RNF112: variants seen among roughly 807,000 people sequenced by gnomAD.
RNF112 encodes the protein ring finger protein 112, also known as brain finger protein.
RNF112 carries 34 observed loss-of-function variants against 64.7 expected under a neutral mutation model. The observed-to-expected ratio is 0.53, with a 90% CI of 0.40 to 0.70. RNF112 has a LOEUF of 0.70. RNF112 is among the 30% of genes least tolerant of loss of function. The pLI is 0.00. For missense variants in RNF112, 734 were observed against 850.0 expected (o/e 0.86, Z 1.70); for synonymous variants, 345 against 344.5 (o/e 1.00, Z -0.02).
At position 19,413,241 on chromosome 17, in the gene RNF112, G is replaced by A; in HGVS notation, c.589-39G>A. 1 of 1,596,374 alleles carries A rather than the reference G, an allele frequency of 6.3e-7. No homozygotes were observed. Among genetic ancestry groups the A allele is most frequent in the Non-Finnish European group, 8.6e-7 (1 of 1,168,360 alleles). ...TGGTATTCCGGTCTGTGGGGACAAG[G>A]AACCGACCAACTGATGCTCTCCCTT... is the stretch of plus-strand genomic sequence containing the variant. On this transcript the variant is annotated intron_variant, in intron 4 of 13. Transcript: ENST00000461366. The surrounding 1 kb of genome is among the most constrained non-coding windows in gnomAD (Gnocchi z 5.9).
At position 19,411,426 on chromosome 17, in the gene RNF112, G is replaced by T; in HGVS notation, c.18G>T (p.Leu6Phe). 2 of 1,610,942 alleles carry T rather than the reference G, an allele frequency of 1.2e-6. No individual in the cohort carries two copies. Among genetic ancestry groups the T allele is most frequent in the Non-Finnish European group, 1.7e-6 (2 of 1,179,136 alleles). ...AGCCTCCCATGCCAAGGCCCGCCTT[G>T]TCAGTCACTTCCTTTTGTCATCGGC... MPRPA[L>F]SVTSFCHRLG... Residue 6 changes from leucine to phenylalanine, a missense_variant, in exon 1 of 14, where the codon TTG becomes TTT. Physicochemically the swap from Leu to Phe is conservative, Grantham distance 22. Transcript: ENST00000461366.
Position 19,416,418 on chromosome 17 carries a change from G to C in RNF112, c.*243G>C, listed in dbSNP as rs1199199035. ...CTGTTTCTGGTTGCAGATGGTTGCC[G>C]ATCTGCCCTTGTCACAGATAGGCTA... is the stretch of plus-strand genomic sequence containing the variant. On this transcript the variant is annotated 3_prime_UTR_variant, in exon 14 of 14. Transcript: ENST00000461366. 2.0e-6 allele frequency: 1 copy of C among 499,898 alleles called. No individual in the cohort carries two copies. The highest frequency in any genetic ancestry group is 3.4e-5 in the East Asian group (1 of 29,322). The allele number at this position is 499,898 out of a possible 1,614,324, so 31.0% of individuals were successfully genotyped here. A position where few individuals can be genotyped will look rare whatever the true frequency, so the allele number is the denominator to read the frequency against.
In RNF112 at chr17:19,414,808, G is replaced by A; in HGVS notation, c.1047G>A (p.Leu349=). The A allele has an allele frequency of 6.2e-7, 1 of 1,613,716 alleles. No homozygotes were observed. The highest frequency in any genetic ancestry group is 1.1e-5 in the South Asian group (1 of 91,084). The change falls in exon 10 of 14, where the codon CTG becomes CTA. Residue 349 remains leucine, a synonymous_variant. Transcript: ENST00000461366. The part of the protein sequence containing the change: ...SGRYPKVQEL[L]QGKRARCCLL... The stretch of plus-strand genomic sequence containing the variant: ...GATACCCCAAGGTGCAGGAGCTGCT[G>A]CAAGGGAAGCGAGCCCGTTGCTGCC...
In RNF112 at chr17:19,413,174, G is replaced by A. The variant is rs762892472; in HGVS notation, c.588+30G>A. ...GGGCGGGGCGGGGCAGGAGGGAGGC[G>A]GGGAGCAAGGATGGGGGTTCCTGCC... On this transcript the variant is annotated intron_variant, in intron 4 of 13. Coordinates refer to ENST00000461366, the MANE Select transcript of RNF112 (RefSeq NM_007148.5). The surrounding 1 kb of genome is among the most constrained non-coding windows in gnomAD (Gnocchi z 5.9). 30 of 1,589,530 alleles carry A rather than the reference G, an allele frequency of 1.9e-5. No individual in the cohort carries two copies. Among genetic ancestry groups the A allele is most frequent in the African/African-American group, 1.1e-4 (8 of 74,596 alleles).
At chr17:19,411,768 CGGGA>C in intron 2 of RNF112, 98 bp downstream of exon 2, 2 of 1,296,880 alleles carry the variant, frequency 1.5e-6, no homozygotes, top group Non-Finnish European at 2.2e-6. Flanking sequence ...GCAGCCCAGC[CGGGA>C]GGGCTGTCCG....
At position 19,416,289 on chromosome 17, in the gene RNF112, C is replaced by T. The variant is rs1233258854; in HGVS notation, c.*114C>T. 2.0e-6 allele frequency: 2 copies of T among 998,598 alleles called. No individual in the cohort carries two copies. The highest frequency in any genetic ancestry group is 2.8e-6 in the Non-Finnish European group (2 of 701,914). The allele number at this position is 998,598 out of a possible 1,614,324, so 61.9% of individuals were successfully genotyped here. A position where few individuals can be genotyped will look rare whatever the true frequency, so the allele number is the denominator to read the frequency against. On this transcript the variant is annotated 3_prime_UTR_variant, in exon 14 of 14. Transcript: ENST00000461366. ...CAAGGCACCGCCATGTACTGCACTG[C>T]CCTGGTCGAATGCTCGGTGTCTGGG...
Position 19,412,820 on chromosome 17 carries a change from G to A in RNF112, c.381+37G>A. On this transcript the variant is annotated intron_variant, in intron 3 of 13. Transcript: ENST00000461366. The surrounding 1 kb of genome is among the most constrained non-coding windows in gnomAD (Gnocchi z 5.1). The stretch of plus-strand genomic sequence containing the variant: ...GGGCCTAATCAGTCAGACCCAAGAG[G>A]AGGGGGTGGCTTTGGCCCTATTCTA... 3.1e-6 allele frequency: 5 copies of A among 1,596,548 alleles called. No individual in the cohort carries two copies. Among genetic ancestry groups the A allele is most frequent in the Non-Finnish European group, 4.3e-6 (5 of 1,175,184 alleles).
chr17:19,413,238 A>G lies in RNF112; in HGVS notation c.589-42A>G. ...GTCTGGTATTCCGGTCTGTGGGGAC[A>G]AGGAACCGACCAACTGATGCTCTCC... On this transcript the variant is annotated intron_variant, in intron 4 of 13. Transcript: ENST00000461366. The surrounding 1 kb of genome is among the most constrained non-coding windows in gnomAD (Gnocchi z 5.9). The G allele has an allele frequency of 6.3e-7, 1 of 1,596,614 alleles. No individual in the cohort carries two copies. The highest frequency in any genetic ancestry group is 8.6e-7 in the Non-Finnish European group (1 of 1,168,712).
Position 19,413,906 on chromosome 17 carries a change from A to G in RNF112, c.826-189A>G, listed in dbSNP as rs1913770624. On this transcript the variant is annotated intron_variant, in intron 6 of 13. Transcript: ENST00000461366. The surrounding 1 kb of genome is among the most constrained non-coding windows in gnomAD (Gnocchi z 5.9). ...GGCAGCTGAAGACCTGATGGATCAC[A>G]TTACCCTCCAGGCTTGTCTCCGGCC... is the stretch of plus-strand genomic sequence containing the variant. Among the ~76,000 whole-genome samples the G allele has an allele frequency of 6.6e-6, 1 of 152,170 alleles. No homozygotes were observed.
chr17:19,412,518 A>C lies in RNF112; in HGVS notation c.116A>C (p.Lys39Thr). The C allele has an allele frequency of 6.2e-7, 1 of 1,612,926 alleles. No individual in the cohort carries two copies. Among genetic ancestry groups the C allele is most frequent in the Non-Finnish European group, 8.5e-7 (1 of 1,179,620 alleles). The change falls in exon 3 of 14, where the codon AAG becomes ACG. Residue 39 changes from lysine to threonine, a missense_variant. Transcript: ENST00000461366. The surrounding 1 kb of genome is among the most constrained non-coding windows in gnomAD (Gnocchi z 5.1). Reference protein sequence around the residue: ...GNSWSHTPFPKLELGLGPQPM... With the variant: ...GNSWSHTPFPTLELGLGPQPM... Reference sequence around the variant, plus strand: ...CACAGGTCCCATACACCTTTCCCCAAGTTGGAGCTAGGCCTGGGGCCCCAG... The same window carrying C: ...CACAGGTCCCATACACCTTTCCCCACGTTGGAGCTAGGCCTGGGGCCCCAG...
At chr17:19,411,757 G>A (rs887718124) in intron 2 of RNF112, 87 bp downstream of exon 2, 41 of 1,404,360 alleles carry the variant, frequency 2.9e-5, no homozygotes, top group Non-Finnish European at 3.7e-5. Context: ...CACAGAGCCC[G>A]GCAGCCCAGC....
At position 19,413,273 on chromosome 17, in the gene RNF112, C is replaced by G. The variant is rs768536555; in HGVS notation, c.589-7C>G. On this transcript the variant is annotated splice_polypyrimidine_tract_variant and splice_region_variant and intron_variant, in intron 4 of 13. Transcript: ENST00000461366. The surrounding 1 kb of genome is among the most constrained non-coding windows in gnomAD (Gnocchi z 5.9). ...CCAACTGATGCTCTCCCTTCTCTCC[C>G]CTGCAGGAGTCTGGTGAGGGCGGCC... is the stretch of plus-strand genomic sequence containing the variant. 6.2e-7 allele frequency: 1 copy of G among 1,605,578 alleles called. No homozygotes were observed. The highest frequency in any genetic ancestry group is 1.3e-5 in the African/African-American group (1 of 74,702).
Position 19,413,624 on chromosome 17 carries a change from G to A in RNF112, c.768G>A (p.Leu256=). The part of the protein sequence containing the change: ...VDTGDAMSPE[L]SRETRIKLCA... ...CAGGGGATGCCATGAGCCCTGAGCT[G>A]AGCAGGGAAACAAGGATCAAGCTCT... Residue 256 remains leucine (L), a synonymous_variant, in exon 6 of 14, where the codon CTG becomes CTA. Coordinates refer to ENST00000461366, the MANE Select transcript of RNF112 (RefSeq NM_007148.5). The surrounding 1 kb of genome is among the most constrained non-coding windows in gnomAD (Gnocchi z 5.9). 6.2e-7 allele frequency: 1 copy of A among 1,613,404 alleles called. No homozygotes were observed. Among genetic ancestry groups the A allele is most frequent in the Non-Finnish European group, 8.5e-7 (1 of 1,179,686 alleles).
chr17:19,412,417 C>G lies in RNF112; in HGVS notation c.96-81C>G. 1 of 1,456,714 alleles carries G rather than the reference C, an allele frequency of 6.9e-7. No homozygotes were observed. Among genetic ancestry groups the G allele is most frequent in the East Asian group, 2.4e-5 (1 of 42,264 alleles). 90.2% of individuals were successfully genotyped at this position (1,456,714 alleles called of 1,614,324 possible). On this transcript the variant is annotated intron_variant, in intron 2 of 13. Transcript: ENST00000461366. This position sits in a 1 kb window ranked among gnomAD's most constrained non-coding sequence, Gnocchi z 5.1. ...AAAGGGACCTCCACTCCCAAGCCAT[C>G]AGTCTTCCACCACAACCCTGGCCGG...
At position 19,412,117 on chromosome 17, in the gene RNF112, C is replaced by A. The variant is rs528010536; in HGVS notation, c.96-381C>A. On this transcript the variant is annotated intron_variant, in intron 2 of 13. Coordinates refer to ENST00000461366, the MANE Select transcript of RNF112 (RefSeq NM_007148.5). This position sits in a 1 kb window ranked among gnomAD's most constrained non-coding sequence, Gnocchi z 5.1. The stretch of plus-strand genomic sequence containing the variant: ...CTCTCGGATGGCCACCCCAACGGCC[C>A]CATGAGGGGTATTGCTATCCTCTCC... Among the ~76,000 whole-genome samples, 8 of 152,298 alleles carry A rather than the reference C, an allele frequency of 5.3e-5. No homozygotes were observed. In the South Asian group the frequency reaches 8.3e-4, roughly 16 times the overall value.
chr17:19,414,718 A>G (rs1295330), intron 9 of RNF112, 52 bp from the exon 10 acceptor site: 1,086,071 of 1,609,368 alleles, frequency 0.67, 371,127 homozygotes, highest in Middle Eastern at 0.76. Flanking sequence ...GGTGGGGAAG[A>G]CATGGGAGGC....
intron 2 of RNF112, chr17:19,411,885 T>G: frequency 1.6e-6 from 1 of 620,344 alleles, no homozygotes; most frequent in Non-Finnish European, 2.9e-6. Flanking sequence ...GGAAGGAATC[T>G]TCTAAGATCC....
At position 19,411,254 on chromosome 17, in the gene RNF112, C is replaced by A. The variant is rs1024574778; in HGVS notation, c.-155C>A. 8.4e-5 allele frequency: 55 copies of A among 653,112 alleles called. No individual in the cohort carries two copies. The highest frequency in any genetic ancestry group is 1.4e-4 in the Non-Finnish European group (51 of 377,762). 40.5% of individuals were successfully genotyped at this position (653,112 alleles called of 1,614,324 possible). A position where few individuals can be genotyped will look rare whatever the true frequency, so the allele number is the denominator to read the frequency against. ...GTCACATTTCTTTTCCAGCTCTGAC[C>A]GGGAGTCAGCTCCTCGGGGATACCA... On this transcript the variant is annotated 5_prime_UTR_variant, in exon 1 of 14. Coordinates refer to ENST00000461366, the MANE Select transcript of RNF112 (RefSeq NM_007148.5).
At position 19,413,201 on chromosome 17, in the gene RNF112, G is replaced by T; in HGVS notation, c.588+57G>T. The T allele has an allele frequency of 1.1e-5, 17 of 1,596,756 alleles. No individual in the cohort carries two copies. The highest frequency in any genetic ancestry group is 1.5e-5 in the Non-Finnish European group (17 of 1,169,440). On this transcript the variant is annotated intron_variant, in intron 4 of 13. Coordinates refer to ENST00000461366, the MANE Select transcript of RNF112 (RefSeq NM_007148.5). This position sits in a 1 kb window ranked among gnomAD's most constrained non-coding sequence, Gnocchi z 5.9. ...GGAGCAAGGATGGGGGTTCCTGCCT[G>T]GGGGAAGCTGGGTCTGGTATTCCGG...
Sources: gnomAD v4.1 joint callset for allele counts (sites outside exome capture counted in the v4.1 genomes callset) on GRCh38, gnomAD v4.1.1 for gene constraint, Gnocchi (gnomAD v3.1) non-coding constraint, MANE v1.5 for transcripts, NCBI Gene and HGNC (gene_info 2026-07-23, HGNC 2026-07-21) for gene names.